The following VRK2 variants were observed in gnomAD, a reference collection of about 807,000 sequenced individuals.
VRK2 encodes serine/threonine-protein kinase VRK2.
In VRK2, 60 loss-of-function variants were observed where a neutral mutation model predicts 57.6. That is an observed-to-expected ratio of 1.04 (90% CI 0.85 to 1.29). VRK2 has a LOEUF of 1.29. VRK2 is among the 50% of genes most tolerant of loss of function. The pLI is 0.00. For missense variants in VRK2, 705 were observed against 588.1 expected (o/e 1.20, Z -2.06); for synonymous variants, 231 against 199.2 (o/e 1.16, Z -1.35).
At chr2:58,044,051 G>C (rs546754074), upstream of VRK2, among the ~76,000 whole-genome samples, 1 of 152,164 alleles carries the variant, frequency 6.6e-6, no homozygotes, top group Non-Finnish European at 1.5e-5. Context: ...TTTAGATCTT[G>C]TATTTAGATT....
rs1684325525 is a variant in VRK2 at position 58,158,350 on chromosome 2, AT to A, written c.1183-996del. On this transcript the variant is annotated intron_variant, in intron 12 of 12. Transcript: ENST00000340157. ...GAGTTATTTAACTCTAAAGTGAGTC[AT>A]TTAACTCTCAAGTAATTTTTTTTCA... Among the ~76,000 whole-genome samples the A allele has an allele frequency of 1.3e-5, 2 of 152,344 alleles. 1 individual carries two copies. Among genetic ancestry groups the A allele is most frequent in the South Asian group, 4.1e-4 (2 of 4,832 alleles).
At chr2:57,976,364 A>G (rs1292479423) in intron 1 of VRK2, among the ~76,000 whole-genome samples, 1 of 152,152 alleles carries the variant, frequency 6.6e-6, no homozygotes, top group Non-Finnish European at 1.5e-5. Context: ...GAACTAATTT[A>G]CATTCCCACC....
At chr2:57,958,567 T>C (rs1012059445) in intron 1 of VRK2, among the ~76,000 whole-genome samples, 3 of 152,016 alleles carry the variant, frequency 2.0e-5, no homozygotes, top group African/African-American at 2.4e-5. Context: ...TTTTCTATTA[T>C]TAAAAATAAT....
rs529893113 is a variant in VRK2 at position 57,977,121 on chromosome 2, T to C, written c.-438-48544T>C. Among the ~76,000 whole-genome samples the C allele has an allele frequency of 2.6e-5, 4 of 152,282 alleles. No homozygotes were observed. In the East Asian group the frequency reaches 7.7e-4, roughly 29 times the overall value. On this transcript the variant is annotated intron_variant, in intron 1 of 15. Transcript: ENST00000417641. ...TGCTGTTTTGGTTACTGTAGTCTTG[T>C]AGTATAATTTGAAGTCAGGTAGTGT...
chr2:57,914,893 A>G (rs1670099047), intron 1 of VRK2, among the ~76,000 whole-genome samples: 1 of 152,172 alleles, frequency 6.6e-6, no homozygotes, highest in Non-Finnish European at 1.5e-5. Context: ...CCATAACAAC[A>G]TTTAAATACA....
intron 1 of VRK2, among the ~76,000 whole-genome samples, chr2:57,919,815 C>T (rs1670279782): frequency 6.6e-6 from 1 of 151,964 alleles, no homozygotes; most frequent in Non-Finnish European, 1.5e-5. Context: ...CAACCGAAGT[C>T]AGTAATTTTT....
chr2:57,965,570 T>C (rs1671891225), intron 1 of VRK2, among the ~76,000 whole-genome samples: 1 of 152,134 alleles, frequency 6.6e-6, no homozygotes, highest in Non-Finnish European at 1.5e-5. Flanking sequence ...GCTTCTCAGG[T>C]TTCTTGATAA....
chr2:58,136,876 AT>A (rs1466778913), intron 10 of VRK2, among the ~76,000 whole-genome samples: 2,200 of 121,682 alleles, frequency 0.018, 153 homozygotes, highest in African/African-American at 0.063. Context: ...TATATCATAT[AT>A]TATATCATAT....
At chr2:58,003,069 AT>A (rs1461568693) in intron 1 of VRK2, among the ~76,000 whole-genome samples, 6 of 152,216 alleles carry the variant, frequency 3.9e-5, no homozygotes, top group African/African-American at 1.4e-4. Flanking sequence ...TCAAACAGGT[AT>A]ATTCTCAAAA....
At position 58,086,394 on chromosome 2, in the gene VRK2, T is replaced by C; in HGVS notation, c.312T>C (p.Tyr104=). 2 of 1,605,474 alleles carry C rather than the reference T, an allele frequency of 1.2e-6. No homozygotes were observed. The highest frequency in any genetic ancestry group is 1.7e-6 in the Non-Finnish European group (2 of 1,177,448). Residue 104 remains tyrosine (Y), a synonymous_variant, in exon 5 of 13, where the codon TAT becomes TAC. Transcript: ENST00000340157. The stretch of plus-strand genomic sequence containing the variant: ...ATTATTTAGGAATTCCTCTGTTTTA[T>C]GGATCTGGTCTGACTGAATTCAAGG... ...QLDYLGIPLF[Y]GSGLTEFKGR...
intron 7 of VRK2, among the ~76,000 whole-genome samples, chr2:58,116,641 T>C (rs1676543186): frequency 6.6e-6 from 1 of 152,016 alleles, no homozygotes; most frequent in African/African-American, 2.4e-5. Context: ...TCAGCATCCG[T>C]GATGGTCTAT....
At chr2:58,150,310 T>C (rs953222116) in intron 12 of VRK2, among the ~76,000 whole-genome samples, 1 of 151,446 alleles carries the variant, frequency 6.6e-6, no homozygotes, top group Admixed American at 6.6e-5. Flanking sequence ...ATCATTAGAT[T>C]TTTTTTCTTG....
chr2:57,970,907 AT>A (rs1156830178), intron 1 of VRK2, among the ~76,000 whole-genome samples: 3 of 151,602 alleles, frequency 2.0e-5, no homozygotes, highest in East Asian at 1.9e-4. Flanking sequence ...AATTGATAGG[AT>A]TTTTTTTCCT....
chr2:58,151,443 TTTA>T (rs1268552365), intron 12 of VRK2, among the ~76,000 whole-genome samples: 1 of 151,788 alleles, frequency 6.6e-6, no homozygotes, highest in African/African-American at 2.4e-5. Flanking sequence ...CCATCCTTTG[TTTA>T]ATCCACTTGT....
intron 7 of VRK2, among the ~76,000 whole-genome samples, chr2:58,115,141 G>C (rs1028710317): frequency 6.6e-6 from 1 of 152,158 alleles, no homozygotes; most frequent in Non-Finnish European, 1.5e-5. Flanking sequence ...CTTTGCTGGT[G>C]TGTGGCGATT....
chr2:58,058,965 A>G (rs900561398), intron 2 of VRK2, among the ~76,000 whole-genome samples: 30 of 152,104 alleles, frequency 2.0e-4, no homozygotes, highest in African/African-American at 7.2e-4. Flanking sequence ...TGCTTATAAC[A>G]AGCTCATTTC....
intron 2 of VRK2, among the ~76,000 whole-genome samples, chr2:58,061,864 C>T (rs1677389382): frequency 6.6e-6 from 1 of 152,002 alleles, no homozygotes; most frequent in African/African-American, 2.4e-5. Flanking sequence ...CTGTATGGAA[C>T]CCAGGTGTAG....
At chr2:58,076,413 G>T (rs1322646422) in intron 2 of VRK2, among the ~76,000 whole-genome samples, 1 of 151,922 alleles carries the variant, frequency 6.6e-6, no homozygotes, top group African/African-American at 2.4e-5. Flanking sequence ...TCTTGTAAGA[G>T]TATCATACCT....
At chr2:58,063,069 T>C (rs993527026) in intron 2 of VRK2, among the ~76,000 whole-genome samples, 1 of 152,058 alleles carries the variant, frequency 6.6e-6, no homozygotes, top group Non-Finnish European at 1.5e-5. Flanking sequence ...CAGAAAATCC[T>C]AAGGCCCTTA....
Sources: allele counts gnomAD v4.1 joint callset (sites outside exome capture counted in the v4.1 genomes callset), GRCh38; gene constraint gnomAD v4.1.1; transcripts MANE v1.5; gene names NCBI Gene and HGNC (gene_info 2026-07-23, HGNC 2026-07-21).